The following DDAH1 variants were observed in gnomAD, a reference collection of about 807,000 sequenced individuals.
The protein encoded by DDAH1 is dimethylarginine dimethylaminohydrolase 1, also known as N(G),N(G)-dimethylarginine dimethylaminohydrolase 1.
DDAH1 carries 19 observed loss-of-function variants against 28.8 expected under a neutral mutation model. That is an observed-to-expected ratio of 0.66 (90% CI 0.46 to 0.97). DDAH1 has a LOEUF of 0.97. Among genes scored for constraint, DDAH1 ranks in the 50% least tolerant of loss-of-function variants. The pLI, the probability that DDAH1 is intolerant of heterozygous loss-of-function variation, is 0.00. For missense variants in DDAH1, 326 were observed against 375.9 expected (o/e 0.87, Z 1.10); for synonymous variants, 153 against 154.4 (o/e 0.99, Z 0.07).
At chr1:85,490,619 T>G (rs1327331640) in intron 2 of DDAH1, among the ~76,000 whole-genome samples, 2 of 152,222 alleles carry the variant, frequency 1.3e-5, no homozygotes, top group Non-Finnish European at 2.9e-5. Flanking sequence ...AAATAATGCT[T>G]TCCAACAGGA....
chr1:85,348,003 T>G (rs1005586820), intron 4 of DDAH1, among the ~76,000 whole-genome samples: 4 of 152,218 alleles, frequency 2.6e-5, no homozygotes, highest in African/African-American at 9.7e-5. Flanking sequence ...CAGGTGGGCA[T>G]TCACCAAATC....
intron 1 of DDAH1, among the ~76,000 whole-genome samples, chr1:85,550,165 C>A (rs1222966150): frequency 1.3e-5 from 2 of 152,160 alleles, no homozygotes; most frequent in Admixed American, 6.5e-5. Flanking sequence ...ACCACTGTTT[C>A]CTAACTCTTT....
At chr1:85,411,079 C>CT (rs1234316151) in intron 1 of DDAH1, among the ~76,000 whole-genome samples, 1 of 152,166 alleles carries the variant, frequency 6.6e-6, no homozygotes, top group Non-Finnish European at 1.5e-5. Flanking sequence ...GGTCCACTGA[C>CT]TGAGTGTCTT....
chr1:85,480,754 A>G (rs970122565), intron 2 of DDAH1, among the ~76,000 whole-genome samples: 1 of 152,022 alleles, frequency 6.6e-6, no homozygotes, highest in African/African-American at 2.4e-5. Context: ...AAAAATAAAT[A>G]AATAAATTAA....
chr1:85,482,947 G>A (rs478496), intron 2 of DDAH1, among the ~76,000 whole-genome samples: 105,512 of 152,018 alleles, frequency 0.69, 38,415 homozygotes, highest in South Asian at 0.87. Context: ...ATTTTTGGCC[G>A]GGCATGGTGG....
At chr1:85,421,299 T>C (rs1360408460) in intron 1 of DDAH1, among the ~76,000 whole-genome samples, 1 of 152,178 alleles carries the variant, frequency 6.6e-6, no homozygotes, top group Non-Finnish European at 1.5e-5. Context: ...TTGTGTTGTA[T>C]CTTTTGTTTT....
chr1:85,574,166 G>A (rs1315056066), intron 1 of DDAH1, among the ~76,000 whole-genome samples: 1 of 152,224 alleles, frequency 6.6e-6, no homozygotes, highest in Non-Finnish European at 1.5e-5. Context: ...TCTCATAGAT[G>A]GTTCCAGTGT....
At chr1:85,368,436 T>C (rs1650190757) in intron 1 of DDAH1, among the ~76,000 whole-genome samples, 2 of 152,168 alleles carry the variant, frequency 1.3e-5, no homozygotes, top group Admixed American at 1.3e-4. Flanking sequence ...TCCATAACGA[T>C]GTCACTACAA....
chr1:85,438,655 C>T (rs539714), intron 1 of DDAH1, among the ~76,000 whole-genome samples: 124,295 of 152,158 alleles, frequency 0.82, 50,952 homozygotes, highest in Middle Eastern at 0.9. Context: ...CCTGCTTAAA[C>T]TGCAAATTCA....
intron 2 of DDAH1, among the ~76,000 whole-genome samples, chr1:85,483,211 C>CA (rs57500608): frequency 0.19 from 18,034 of 96,586 alleles, 1,387 homozygotes; most frequent in Non-Finnish European, 0.21. Context: ...GAGACTATCT[C>CA]AAAAAAAAAA....
chr1:85,414,050 A>G (rs536797099), intron 1 of DDAH1, among the ~76,000 whole-genome samples: 9 of 152,244 alleles, frequency 5.9e-5, no homozygotes, highest in Non-Finnish European at 1.0e-4. Flanking sequence ...GGCACTGTAC[A>G]TTTAACTTTC....
At chr1:85,541,346 T>A (rs1419305777) in intron 1 of DDAH1, among the ~76,000 whole-genome samples, 3 of 152,250 alleles carry the variant, frequency 2.0e-5, no homozygotes, top group Admixed American at 2.0e-4. Context: ...AAATGTCCTG[T>A]GTGCTAAAAT....
At chr1:85,567,374 C>T (rs1659334530) in intron 1 of DDAH1, among the ~76,000 whole-genome samples, 1 of 152,084 alleles carries the variant, frequency 6.6e-6, no homozygotes, top group Non-Finnish European at 1.5e-5. Context: ...CGGGTATTTC[C>T]CGTGCTATTC....
chr1:85,501,192 C>T (rs1037542306), intron 1 of DDAH1, among the ~76,000 whole-genome samples: 4 of 152,050 alleles, frequency 2.6e-5, no homozygotes, highest in African/African-American at 4.8e-5. Flanking sequence ...AGTTTTGTTA[C>T]GTTAATTTAC....
At chr1:85,574,912 T>C in intron 1 of DDAH1, among the ~76,000 whole-genome samples, 1 of 151,788 alleles carries the variant, frequency 6.6e-6, no homozygotes, top group Non-Finnish European at 1.5e-5. Flanking sequence ...TATATGTAAT[T>C]AATTATAACA....
chr1:85,335,714 C>CAAAGTG (rs1648065116), intron 4 of DDAH1, among the ~76,000 whole-genome samples: 1 of 151,852 alleles, frequency 6.6e-6, no homozygotes, highest in Admixed American at 6.6e-5. Flanking sequence ...TCCCAGCCAG[C>CAAAGTG]ACTTTGGGAG....
chr1:85,378,605 C>T (rs1303725561), intron 1 of DDAH1, among the ~76,000 whole-genome samples: 4 of 152,140 alleles, frequency 2.6e-5, no homozygotes, highest in African/African-American at 9.7e-5. Flanking sequence ...GACAGGTTTT[C>T]ACCATGTTGC....
intron 1 of DDAH1, among the ~76,000 whole-genome samples, chr1:85,462,964 T>C (rs1378065885): frequency 6.6e-6 from 1 of 152,258 alleles, no homozygotes; most frequent in African/African-American, 2.4e-5. Context: ...TGTCCTGTCC[T>C]GTGAATTTCA....
Position 85,318,876 on chromosome 1 carries a change from T to C in DDAH1, c.*2576A>G, listed in dbSNP as rs1313693315. 1 of 152,270 alleles carries C rather than the reference T, an allele frequency of 6.6e-6. No homozygotes were observed. The highest frequency in any genetic ancestry group is 1.5e-5 in the Non-Finnish European group (1 of 68,034). 9.4% of individuals were successfully genotyped at this position (152,270 alleles called of 1,614,324 possible). A position where few individuals can be genotyped will look rare whatever the true frequency, so the allele number is the denominator to read the frequency against. On this transcript the variant is annotated 3_prime_UTR_variant, in exon 6 of 6. Coordinates refer to ENST00000284031, the MANE Select transcript of DDAH1 (RefSeq NM_012137.4). ...ATACACATTAGAAAGATCTGCCTGATTTCTATAGCAATTCATTATAGCTGA... is the reference window on the plus strand; with the variant it reads ...ATACACATTAGAAAGATCTGCCTGACTTCTATAGCAATTCATTATAGCTGA...
Sources: gnomAD v4.1 joint callset for allele counts (sites outside exome capture counted in the v4.1 genomes callset) on GRCh38, gnomAD v4.1.1 for gene constraint, MANE v1.5 for transcripts, NCBI Gene and HGNC (gene_info 2026-07-23, HGNC 2026-07-21) for gene names.